The following MARK1 variants were observed in gnomAD, a reference collection of about 807,000 sequenced individuals.
MARK1 encodes the protein serine/threonine-protein kinase MARK1.
A neutral mutation model predicts 96.3 loss-of-function variants in MARK1; 40 were observed. That is an observed-to-expected ratio of 0.42 (90% CI 0.32 to 0.54). MARK1 has a LOEUF of 0.54. MARK1 is among the 20% of genes least tolerant of loss of function. The pLI, the probability that MARK1 is intolerant of heterozygous loss-of-function variation, is 0.16. For missense variants in MARK1, 719 were observed against 984.6 expected (o/e 0.73, Z 3.61); for synonymous variants, 317 against 341.2 (o/e 0.93, Z 0.78).
rs151129024 is a variant in MARK1 at position 220,664,140 on chromosome 1, CAT to C, written c.*1975_*1976del. On this transcript the variant is annotated 3_prime_UTR_variant, in exon 18 of 18. Transcript: ENST00000366917. ...AAATACGTTTTTAAAAAAATAGACT[CAT>C]GTGTTTTCCACGGTAGAAACTGATA... 3 of 152,254 alleles carry C rather than the reference CAT, an allele frequency of 2.0e-5. No homozygotes were observed. The highest frequency in any genetic ancestry group is 2.1e-4 in the South Asian group (1 of 4,826). 9.4% of individuals were successfully genotyped at this position (152,254 alleles called of 1,614,324 possible).
chr1:220,662,021 G>C lies in MARK1; in HGVS notation c.2243G>C (p.Arg748Thr). Residue 748 changes from arginine (R) to threonine (T), a missense_variant, in exon 18 of 18, where the codon AGA (arginine) becomes ACA (threonine). By Grantham distance (71) the Arg-to-Thr change is moderately conservative. Around this residue, in one of 4 missense-constraint regions of MARK1, gnomAD observed 501 missense variants for 588.3 expected, o/e 0.85. Transcript: ENST00000366917. The stretch of plus-strand genomic sequence containing the variant: ...CTTTTCTGTGTCCATGGAGACGCTA[G>C]ACAGGATAGCCTCGTGCAGTGGGAG... ...FLLFCVHGDA[R>T]QDSLVQWEME... is the part of the protein sequence containing the mutation. 6.2e-7 allele frequency: 1 copy of C among 1,614,206 alleles called. No homozygotes were observed. The highest frequency in any genetic ancestry group is 1.7e-5 in the Admixed American group (1 of 60,026).
In MARK1 at chr1:220,642,177, G is replaced by C. The variant is rs1668309879; in HGVS notation, c.1470+6151G>C. Reference sequence around the variant, plus strand: ...CCCATGGATCCCCCGCAAGCTAAGAGCCACTGACTTGGAATCCCCACTGGC... The same window carrying C: ...CCCATGGATCCCCCGCAAGCTAAGACCCACTGACTTGGAATCCCCACTGGC... On this transcript the variant is annotated intron_variant, in intron 13 of 17. Coordinates refer to ENST00000366917, the MANE Select transcript of MARK1 (RefSeq NM_018650.5). 3.9e-5 allele frequency among the ~76,000 whole-genome samples: 6 copies of C among 152,196 alleles called. No homozygotes were observed. The South Asian group carries it at 1.2e-3, about 32-fold the overall frequency.
intron 11 of MARK1, among the ~76,000 whole-genome samples, chr1:220,634,683 G>T (rs927202992): frequency 1.3e-5 from 2 of 152,156 alleles, no homozygotes; most frequent in Non-Finnish European, 2.9e-5. Context: ...TATGAATTTA[G>T]ATTTCCTATT....
chr1:220,611,388 G>A (rs901469604), intron 6 of MARK1, among the ~76,000 whole-genome samples: 1 of 152,232 alleles, frequency 6.6e-6, no homozygotes, highest in Non-Finnish European at 1.5e-5. Context: ...AGCCAGGCAC[G>A]GGAGAGAATC....
chr1:220,599,959 A>C (rs1322476334), intron 5 of MARK1, 96 bp downstream of exon 5: 10 of 700,780 alleles, frequency 1.4e-5, no homozygotes, highest in Non-Finnish European at 2.0e-5. Flanking sequence ...TTCAGTGTTA[A>C]TGAATCTATT....
intron 1 of MARK1, among the ~76,000 whole-genome samples, chr1:220,568,242 G>A (rs1327543365): frequency 2.0e-5 from 3 of 152,092 alleles, no homozygotes; most frequent in Admixed American, 1.3e-4. Flanking sequence ...TAAGGCAAAG[G>A]AGATGTGTGG....
Position 220,635,957 on chromosome 1 carries a change from A to T in MARK1, c.1401A>T (p.Gly467=), listed in dbSNP as rs775290489. 1 of 1,614,114 alleles carries T rather than the reference A, an allele frequency of 6.2e-7. No individual in the cohort carries two copies. The highest frequency in any genetic ancestry group is 8.5e-7 in the Non-Finnish European group (1 of 1,180,006). The part of the protein sequence containing the change: ...VARKLGSTTV[G]SKSEMTASPL... ...GAAAACTTGGCAGCACAACAGTTGG[A>T]TCAAAAAGCGAGATGACTGCAAGCC... is the stretch of plus-strand genomic sequence containing the variant. Residue 467 remains glycine, a synonymous_variant, in exon 13 of 18, where the codon GGA becomes GGT. Transcript: ENST00000366917.
intron 1 of MARK1, among the ~76,000 whole-genome samples, chr1:220,561,117 G>GT (rs36073255): frequency 0.19 from 28,205 of 152,058 alleles, 3,332 homozygotes; most frequent in East Asian, 0.36. Flanking sequence ...GAGTAAGGAG[G>GT]TGTAGGTAGG....
intron 1 of MARK1, among the ~76,000 whole-genome samples, chr1:220,576,365 C>T (rs951991361): frequency 2.0e-5 from 3 of 151,190 alleles, no homozygotes; most frequent in African/African-American, 7.3e-5. Context: ...ACAACAAGGC[C>T]TCTTGAAGTC....
intron 1 of MARK1, among the ~76,000 whole-genome samples, chr1:220,559,490 C>A (rs544521932): frequency 1.4e-4 from 22 of 152,226 alleles, no homozygotes; most frequent in African/African-American, 5.1e-4. Flanking sequence ...GAGAAATAGG[C>A]CCATAGTTGG....
At position 220,629,218 on chromosome 1, in the gene MARK1, T is replaced by C. The variant is rs530165505; in HGVS notation, c.910-1817T>C. On this transcript the variant is annotated intron_variant, in intron 9 of 17. Transcript: ENST00000366917. ...AAAAAGCAATTAATATATCAGCACC[T>C]AAAATGAAAACCTAAAATTCTGTAG... Among the ~76,000 whole-genome samples, 231 of 152,246 alleles carry C rather than the reference T, an allele frequency of 1.5e-3. 1 individual carries two copies. Among genetic ancestry groups the C allele is most frequent in the African/African-American group, 5.4e-3 (224 of 41,562 alleles).
chr1:220,594,729 G>C (rs1378477875), intron 3 of MARK1, among the ~76,000 whole-genome samples: 1 of 152,122 alleles, frequency 6.6e-6, no homozygotes, highest in African/African-American at 2.4e-5. Context: ...AAAAAACTTG[G>C]AGGAACCTTA....
intron 6 of MARK1, among the ~76,000 whole-genome samples, chr1:220,606,100 A>G (rs754652355): frequency 2.3e-4 from 35 of 152,332 alleles, no homozygotes; most frequent in Non-Finnish European, 4.9e-4. Flanking sequence ...ACTGTTTTCC[A>G]CAATGATTGA....
intron 6 of MARK1, among the ~76,000 whole-genome samples, chr1:220,612,851 G>T (rs1008866586): frequency 6.6e-6 from 1 of 151,844 alleles, no homozygotes; most frequent in South Asian, 2.1e-4. Flanking sequence ...AAGACACTTG[G>T]GCAGTTTAAG....
In MARK1 at chr1:220,618,264, T is replaced by C. The variant is rs1465082842; in HGVS notation, c.553-46T>C. On this transcript the variant is annotated intron_variant, in intron 7 of 17. Coordinates refer to ENST00000366917, the MANE Select transcript of MARK1 (RefSeq NM_018650.5). The surrounding 1 kb of genome is among the most constrained non-coding windows in gnomAD (Gnocchi z 4.6). ...AAAACTCTTTTACAAATATTTTTAT[T>C]TTATGTAGGCTTTTTACATTGTTCT... The C allele has an allele frequency of 1.7e-6, 2 of 1,202,344 alleles. No homozygotes were observed. Among genetic ancestry groups the C allele is most frequent in the Non-Finnish European group, 2.4e-6 (2 of 826,104 alleles). The allele number at this position is 1,202,344 out of a possible 1,614,324, so 74.5% of individuals were successfully genotyped here. A position where few individuals can be genotyped will look rare whatever the true frequency, so the allele number is the denominator to read the frequency against.
intron 1 of MARK1, among the ~76,000 whole-genome samples, chr1:220,566,956 G>T (rs1410694461): frequency 6.6e-6 from 1 of 151,956 alleles, no homozygotes; most frequent in Non-Finnish European, 1.5e-5. Context: ...TTGTTGATAG[G>T]TAATATATTC....
chr1:220,583,671 CAG>C (rs1664397245), intron 3 of MARK1, among the ~76,000 whole-genome samples: 1 of 149,716 alleles, frequency 6.7e-6, no homozygotes, highest in Non-Finnish European at 1.5e-5. Context: ...TTTTTTGAGA[CAG>C]AGTCTTGCTC....
At chr1:220,653,797 C>T (rs1259729108) in intron 16 of MARK1, among the ~76,000 whole-genome samples, 1 of 152,070 alleles carries the variant, frequency 6.6e-6, no homozygotes, top group Non-Finnish European at 1.5e-5. Context: ...ATCACTTATG[C>T]AATTTTACAT....
chr1:220,587,420 G>A (rs930007188), intron 3 of MARK1, among the ~76,000 whole-genome samples: 2 of 151,534 alleles, frequency 1.3e-5, no homozygotes, highest in African/African-American at 4.9e-5. Flanking sequence ...CCAGACTGGA[G>A]TGCAATGGCG....
Sources: gnomAD v4.1 joint callset for allele counts (sites outside exome capture counted in the v4.1 genomes callset) on GRCh38, gnomAD v4.1.1 for gene constraint, gnomAD v4.1.1 regional missense constraint, Gnocchi (gnomAD v3.1) non-coding constraint, MANE v1.5 for transcripts, NCBI Gene and HGNC (gene_info 2026-07-23, HGNC 2026-07-21) for gene names.